FLNB: variants seen among roughly 807,000 people sequenced by gnomAD.
FLNB encodes filamin B.
A neutral mutation model predicts 250.6 loss-of-function variants in FLNB; 111 were observed. The ratio of observed to expected loss-of-function variants is 0.44; its 90% CI spans 0.38 to 0.52. The LOEUF (loss-of-function observed/expected upper bound fraction) is 0.52, where lower values mean the gene tolerates loss of function less well. Ranked by LOEUF, FLNB falls within the 20% of genes least tolerant of loss-of-function variation. FLNB has a pLI of 0.00. For synonymous variants in FLNB, 1,302 were observed against 1,372.1 expected, an observed-to-expected ratio of 0.95 and a Z score of 1.13; for missense variants, 2,869 against 3,447.8, an observed-to-expected ratio of 0.83 and a Z score of 4.20.
intron 32 of FLNB, 103 bp from the exon 33 acceptor site, chr3:58,145,818 G>A (rs2097334937): frequency 7.0e-7 from 1 of 1,424,020 alleles, no homozygotes; most frequent in Admixed American, 1.7e-5. Context: ...TGCTTAGGAG[G>A]CGCCAGACCT....
chr3:58,074,028 G>A (rs565259050), intron 1 of FLNB, among the ~76,000 whole-genome samples: 3 of 152,310 alleles, frequency 2.0e-5, no homozygotes, highest in East Asian at 1.9e-4. Context: ...GTAATAGCCC[G>A]TCACCTCTGC....
At position 58,121,281 on chromosome 3, in the gene FLNB, C is replaced by T. The variant is rs1553700433; in HGVS notation, c.2904C>T (p.Thr968=). The T allele has an allele frequency of 8.1e-6, 13 of 1,613,922 alleles. No homozygotes were observed. The South Asian group carries it at 1.4e-4, about 18-fold the overall frequency. Residue 968 remains threonine, a synonymous_variant, in exon 20 of 46, where the codon ACC becomes ACT. Coordinates refer to ENST00000295956, the MANE Select transcript of FLNB (RefSeq NM_001457.4). ...VGKDQEFTVD[T]RGAGGQGKLD... ...AGGATCAGGAGTTCACCGTTGATAC[C>T]AGGGGGGCAGGAGGCCAGGGGAAGC...
Position 58,097,799 on chromosome 3 carries a change from T to C in FLNB, c.985-16T>C, listed in dbSNP as rs745452009. Reference sequence around the variant, plus strand: ...GAGAAGTGATTATGTATTTCTCACCTATCTGTCACCTATAGGTCACAGTCC... The same window carrying C: ...GAGAAGTGATTATGTATTTCTCACCCATCTGTCACCTATAGGTCACAGTCC... On this transcript the variant is annotated splice_polypyrimidine_tract_variant and intron_variant, in intron 6 of 45. Coordinates refer to ENST00000295956, the MANE Select transcript of FLNB (RefSeq NM_001457.4). 32 of 1,612,626 alleles carry C rather than the reference T, an allele frequency of 2.0e-5. No individual in the cohort carries two copies. Among genetic ancestry groups the C allele is most frequent in the Non-Finnish European group, 2.6e-5 (31 of 1,179,050 alleles).
chr3:58,024,303 A>AGT (rs1166279143), intron 1 of FLNB, among the ~76,000 whole-genome samples: 1 of 152,218 alleles, frequency 6.6e-6, no homozygotes, highest in Non-Finnish European at 1.5e-5. Flanking sequence ...AGACTATAGC[A>AGT]GTACCCCCTT....
rs551882906 is a variant in FLNB, at chr3:58,160,671, C to T, written c.7021+985C>T. 3.4e-4 allele frequency among the ~76,000 whole-genome samples: 52 copies of T among 152,210 alleles called. No homozygotes were observed. In the Middle Eastern group the frequency reaches 0.014, roughly 40 times the overall value. On this transcript the variant is annotated intron_variant, in intron 42 of 45. Coordinates refer to ENST00000295956, the MANE Select transcript of FLNB (RefSeq NM_001457.4). ...TGCCTTATAGGGCATTTGTTGTGTG[C>T]CTGGCTGTATTTGTATAGTGTAGTT... is the stretch of plus-strand genomic sequence containing the variant.
intron 11 of FLNB, 122 bp from the exon 12 acceptor site, chr3:58,106,558 C>A: frequency 1.1e-6 from 1 of 890,516 alleles, no homozygotes; most frequent in South Asian, 1.4e-5. Context: ...GGGATACAAA[C>A]AGATTTCAAT....
rs557351613 is a variant in FLNB at position 58,028,562 on chromosome 3, G to A, written c.292+19706G>A. 4.0e-5 allele frequency among the ~76,000 whole-genome samples: 6 copies of A among 151,136 alleles called. No homozygotes were observed. In the East Asian group the frequency reaches 9.8e-4, roughly 25 times the overall value. The stretch of plus-strand genomic sequence containing the variant: ...ACTTGTGGCCAGGAGTTTGAGACCA[G>A]CCTGGGCAACATGGGAGACCTTATC... On this transcript the variant is annotated intron_variant, in intron 1 of 45. Coordinates refer to ENST00000295956, the MANE Select transcript of FLNB (RefSeq NM_001457.4).
rs369247179 is a variant in FLNB, at chr3:58,109,301, C to T, written c.2178C>T (p.Asn726=). The change falls in exon 14 of 46, where the codon AAC becomes AAT. Residue 726 remains asparagine, a synonymous_variant. Transcript: ENST00000295956. The stretch of plus-strand genomic sequence containing the variant: ...TTGCTGTGGTCTGGGGAGGCGTGAA[C>T]ATCCCGCACAGCCCCTACAGGGTAG... ...HTIAVVWGGV[N]IPHSPYRVNI... is the part of the protein sequence containing the mutation. 1 of 1,613,936 alleles carries T rather than the reference C, an allele frequency of 6.2e-7. No homozygotes were observed. The highest frequency in any genetic ancestry group is 1.3e-5 in the African/African-American group (1 of 74,944).
chr3:58,024,797 T>A (rs1423439442), intron 1 of FLNB, among the ~76,000 whole-genome samples: 2 of 141,122 alleles, frequency 1.4e-5, no homozygotes, highest in Non-Finnish European at 3.1e-5. Context: ...CACTGCAACC[T>A]CCATCTCCCA....
intron 23 of FLNB, 112 bp downstream of exon 23, chr3:58,125,855 G>C: frequency 9.4e-7 from 1 of 1,063,256 alleles, no homozygotes; most frequent in South Asian, 1.3e-5. Flanking sequence ...TTTATAACAT[G>C]TATTTCCTTC....
intron 1 of FLNB, among the ~76,000 whole-genome samples, chr3:58,010,781 C>A (rs1359240448): frequency 6.6e-6 from 1 of 152,156 alleles, no homozygotes; most frequent in African/African-American, 2.4e-5. Context: ...CACAGACTGC[C>A]TGATCTACCC....
At chr3:58,114,696 G>GCT (rs545996255) in intron 18 of FLNB, among the ~76,000 whole-genome samples, 3 of 144,586 alleles carry the variant, frequency 2.1e-5, no homozygotes, top group Non-Finnish European at 4.5e-5. Flanking sequence ...GCTAACATTT[G>GCT]TTTTTTTTCT....
chr3:58,018,632 C>G (rs927871838), intron 1 of FLNB, among the ~76,000 whole-genome samples: 2 of 152,118 alleles, frequency 1.3e-5, no homozygotes, highest in Non-Finnish European at 2.9e-5. Context: ...TCTCCTGCCT[C>G]AACCTCTCCA....
At chr3:58,067,137 C>T (rs2097186741) in intron 1 of FLNB, among the ~76,000 whole-genome samples, 1 of 152,150 alleles carries the variant, frequency 6.6e-6, no homozygotes, top group Non-Finnish European at 1.5e-5. Flanking sequence ...ATCTTCACTG[C>T]CTCCATTCTC....
intron 4 of FLNB, among the ~76,000 whole-genome samples, chr3:58,084,191 C>CAA (rs771340069): frequency 4.0e-4 from 26 of 64,530 alleles, no homozygotes; most frequent in Non-Finnish European, 5.6e-4. Flanking sequence ...GACTCTGTCT[C>CAA]AAAAAAAAAA....
intron 10 of FLNB, among the ~76,000 whole-genome samples, chr3:58,104,328 G>GAGGCATATTCGCC (rs2097255953): frequency 6.6e-6 from 1 of 152,154 alleles, no homozygotes; most frequent in Non-Finnish European, 1.5e-5. Context: ...GGAGGCAGGG[G>GAGGCATATTCGCC]AGGCAGAAGG....
chr3:58,143,917 G>A (rs1251083460), intron 32 of FLNB, among the ~76,000 whole-genome samples: 1 of 152,178 alleles, frequency 6.6e-6, no homozygotes, highest in Non-Finnish European at 1.5e-5. Flanking sequence ...GGCATGGTGA[G>A]GGACTTTCCA....
intron 1 of FLNB, among the ~76,000 whole-genome samples, chr3:58,064,355 A>G (rs2097182508): frequency 6.6e-6 from 1 of 151,516 alleles, no homozygotes; most frequent in Non-Finnish European, 1.5e-5. Flanking sequence ...CTGGTCTCAA[A>G]CTCCTGAGTT....
chr3:58,141,695 C>G (rs1291791391), intron 29 of FLNB, among the ~76,000 whole-genome samples, 163 bp from the exon 30 acceptor site: 1 of 152,198 alleles, frequency 6.6e-6, no homozygotes. Context: ...AGAGAGGACA[C>G]CAACTGCCTT....
Sources: gnomAD v4.1 joint callset for allele counts (sites outside exome capture counted in the v4.1 genomes callset) on GRCh38, gnomAD v4.1.1 for gene constraint, MANE v1.5 for transcripts, NCBI Gene and HGNC (gene_info 2026-07-23, HGNC 2026-07-21) for gene names.